The following CDKL3 variants were observed in gnomAD, a reference collection of about 807,000 sequenced individuals.
The protein encoded by CDKL3 is cyclin-dependent kinase-like 3.
CDKL3 carries 65 observed loss-of-function variants against 69.3 expected under a neutral mutation model. The observed-to-expected ratio is 0.94, with a 90% CI of 0.77 to 1.15. The LOEUF is 1.15. Ranked by LOEUF, CDKL3 falls within the 50% of genes most tolerant of loss-of-function variation. CDKL3 has a pLI of 0.00. For missense variants in CDKL3, 652 were observed against 689.2 expected (o/e 0.95, Z 0.61); for synonymous variants, 202 against 221.6 (o/e 0.91, Z 0.79).
chr5:134,335,077 T>C (rs1776729767), intron 4 of CDKL3, among the ~76,000 whole-genome samples: 1 of 152,146 alleles, frequency 6.6e-6, no homozygotes, highest in Admixed American at 6.5e-5. Flanking sequence ...ACGGCCTTCT[T>C]TGTCTCTTTT....
chr5:134,353,612 C>T (rs917465679), intron 3 of CDKL3, among the ~76,000 whole-genome samples: 10 of 148,122 alleles, frequency 6.8e-5, no homozygotes, highest in East Asian at 3.9e-4. Context: ...AGTGCAGTGG[C>T]GCAATCTCGG....
intron 6 of CDKL3, among the ~76,000 whole-genome samples, chr5:134,318,702 G>A (rs57959398): frequency 2.0e-5 from 3 of 151,974 alleles, no homozygotes; most frequent in Non-Finnish European, 4.4e-5. Context: ...GGCCAGGATG[G>A]TCTTGATCTC....
In CDKL3 at chr5:134,366,390, T is replaced by C. The variant is rs1296395408; in HGVS notation, c.134A>G (p.Lys45Arg). ...AAACTTTATTTCTCTCATCGCAATT[T>C]TGTTGACAGATTGTTCTGGTCTCTC... is the stretch of plus-strand genomic sequence containing the variant. ...FYERPEQSVN[K>R]IAMREIKFLK... Residue 45 changes from lysine (K) to arginine (R), a missense_variant, in exon 2 of 13, where the codon AAA (lysine) becomes AGA (arginine). Transcript: ENST00000265334. The C allele has an allele frequency of 3.8e-6, 6 of 1,587,626 alleles. No homozygotes were observed. Among genetic ancestry groups the C allele is most frequent in the Non-Finnish European group, 5.1e-6 (6 of 1,169,168 alleles).
intron 4 of CDKL3, among the ~76,000 whole-genome samples, chr5:134,347,068 T>G (rs968211689): frequency 5.3e-5 from 8 of 152,056 alleles, no homozygotes; most frequent in African/African-American, 1.9e-4. Flanking sequence ...GATGATAAAG[T>G]TAAACCTCCA....
intron 4 of CDKL3, among the ~76,000 whole-genome samples, chr5:134,348,024 T>C (rs1180314200): frequency 6.6e-6 from 1 of 152,164 alleles, no homozygotes; most frequent in Non-Finnish European, 1.5e-5. Flanking sequence ...GTAAGATATA[T>C]GAATCATATC....
At chr5:134,305,510 T>C (rs1046090809) in intron 10 of CDKL3, among the ~76,000 whole-genome samples, 23 of 152,198 alleles carry the variant, frequency 1.5e-4, no homozygotes, top group African/African-American at 5.5e-4. Flanking sequence ...CTTCTTTATC[T>C]ACCTAGAAAA....
chr5:134,364,467 G>C (rs1471282138), intron 2 of CDKL3, among the ~76,000 whole-genome samples: 1 of 151,848 alleles, frequency 6.6e-6, no homozygotes. Flanking sequence ...GAACCTCAGA[G>C]ACCTTTGACT....
chr5:134,345,082 T>A (rs1371347722), intron 4 of CDKL3, among the ~76,000 whole-genome samples: 1 of 151,274 alleles, frequency 6.6e-6, no homozygotes, highest in African/African-American at 2.4e-5. Context: ...ATAAAATAAA[T>A]AAAAATCTAT....
chr5:134,359,915 G>A lies in CDKL3; in HGVS notation c.342C>T (p.Asp114=), dbSNP rs750717155. ...CACTTACATTATTACTGTGAAGATA[G>A]TCAATTGCTCGAAGGATCTGGAAGA... ...KYLFQILRAI[D]YLHSNNIIHR... The change falls in exon 3 of 13, where the codon GAC becomes GAT. Residue 114 remains aspartate (D), a synonymous_variant. Coordinates refer to ENST00000265334, the MANE Select transcript of CDKL3 (RefSeq NM_001113575.2). The A allele has an allele frequency of 4.4e-6, 7 of 1,583,152 alleles. No individual in the cohort carries two copies. The highest frequency in any genetic ancestry group is 5.2e-6 in the Non-Finnish European group (6 of 1,164,236).
intron 4 of CDKL3, among the ~76,000 whole-genome samples, chr5:134,334,768 G>A (rs1193567461): frequency 6.6e-6 from 1 of 152,154 alleles, no homozygotes; most frequent in Non-Finnish European, 1.5e-5. Context: ...GTGATGTGGT[G>A]CTGAGAAGAA....
intron 7 of CDKL3, 117 bp downstream of exon 7, chr5:134,312,174 AT>A: frequency 1.5e-6 from 1 of 660,538 alleles, no homozygotes; most frequent in Non-Finnish European, 2.7e-6. Context: ...AACTCAATAA[AT>A]TTTTGTTAAA....
chr5:134,326,831 A>ATG lies in CDKL3; in HGVS notation c.540-4929_540-4928insCA, dbSNP rs1232929746. Among the ~76,000 whole-genome samples the ATG allele has an allele frequency of 1.2e-4, 10 of 84,050 alleles. No individual in the cohort carries two copies. In the East Asian group the frequency reaches 2.7e-3, roughly 23 times the overall value. The allele number at this position is 84,050 out of a possible 152,430, so 55.1% of individuals were successfully genotyped here. The stretch of plus-strand genomic sequence containing the variant: ...TATATGTGTGTGTATATATATATAT[A>ATG]TATATATATATATATATATATATAT... On this transcript the variant is annotated intron_variant, in intron 4 of 12. Coordinates refer to ENST00000265334, the MANE Select transcript of CDKL3 (RefSeq NM_001113575.2).
At chr5:134,356,935 G>A (rs1449206102) in intron 3 of CDKL3, among the ~76,000 whole-genome samples, 1 of 152,196 alleles carries the variant, frequency 6.6e-6, no homozygotes, top group Non-Finnish European at 1.5e-5. Context: ...TATTTAGTCA[G>A]AAATTATCCT....
At chr5:134,300,992 A>G (rs549575481) in intron 12 of CDKL3, among the ~76,000 whole-genome samples, 3 of 151,316 alleles carry the variant, frequency 2.0e-5, no homozygotes, top group African/African-American at 4.9e-5. Flanking sequence ...AAAGATGACT[A>G]TTAATGGATT....
chr5:134,308,182 C>A lies in CDKL3; in HGVS notation c.1320G>T (p.Leu440Phe). 6.2e-7 allele frequency: 1 copy of A among 1,613,750 alleles called. No homozygotes were observed. The highest frequency in any genetic ancestry group is 8.5e-7 in the Non-Finnish European group (1 of 1,179,790). ...MPPINLTNSN[L>F]MAANLSSNLF... ...GATTTGAACTGAGATTTGCAGCCAT[C>A]AAATTACTGTTAGTTAGATTGATGG... is the stretch of plus-strand genomic sequence containing the variant. Residue 440 changes from leucine (L) to phenylalanine (F), a missense_variant, in exon 9 of 13, where the codon TTG (leucine) becomes TTT (phenylalanine). By Grantham distance (22) the Leu-to-Phe change is conservative. Coordinates refer to ENST00000265334, the MANE Select transcript of CDKL3 (RefSeq NM_001113575.2).
chr5:134,283,596 T>C (rs1043281201), downstream of CDKL3, among the ~76,000 whole-genome samples: 3 of 152,100 alleles, frequency 2.0e-5, no homozygotes, highest in Non-Finnish European at 2.9e-5. Context: ...CCACAACACA[T>C]GGGAATTCAA....
chr5:134,371,592 G>T (rs758279890), upstream of CDKL3: 1 of 1,612,748 alleles, frequency 6.2e-7, no homozygotes. Flanking sequence ...GGCAGCTGCG[G>T]AGCATGTCGA....
chr5:134,348,723 G>A (rs186706615), intron 4 of CDKL3, among the ~76,000 whole-genome samples: 6 of 152,320 alleles, frequency 3.9e-5, no homozygotes, highest in Admixed American at 2.6e-4. Context: ...ATCATCAAAT[G>A]AGGGTAAAAC....
upstream of CDKL3, chr5:134,367,197 G>C: frequency 1.0e-6 from 1 of 985,682 alleles, no homozygotes; most frequent in Non-Finnish European, 1.2e-6. Flanking sequence ...ACCGGAACAT[G>C]GGCAGGGTCC....
Sources: allele counts gnomAD v4.1 joint callset (sites outside exome capture counted in the v4.1 genomes callset), GRCh38; gene constraint gnomAD v4.1.1; transcripts MANE v1.5; gene names NCBI Gene and HGNC (gene_info 2026-07-23, HGNC 2026-07-21).